The following SLIT1 variants were observed in gnomAD, a reference collection of about 807,000 sequenced individuals.
The protein encoded by SLIT1 is slit guidance ligand 1.
In SLIT1, 66 loss-of-function variants were observed where a neutral mutation model predicts 186.1. The observed-to-expected ratio is 0.35, with a 90% CI of 0.29 to 0.44. The LOEUF is 0.44. Ranked by LOEUF, SLIT1 falls within the 20% of genes least tolerant of loss-of-function variation. SLIT1 has a pLI of 1.00. For synonymous variants in SLIT1, 761 were observed against 833.8 expected, an observed-to-expected ratio of 0.91 and a Z score of 1.50; for missense variants, 1,638 against 2,037.4, an observed-to-expected ratio of 0.80 and a Z score of 3.77.
chr10:97,034,255 C>G (rs969846188), intron 23 of SLIT1, among the ~76,000 whole-genome samples: 2 of 152,182 alleles, frequency 1.3e-5, no homozygotes, highest in Admixed American at 1.3e-4. Context: ...GCACTATTTA[C>G]TTTTTGCATT....
intron 4 of SLIT1, among the ~76,000 whole-genome samples, chr10:97,147,165 T>C (rs1311916764): frequency 6.6e-6 from 1 of 152,140 alleles, no homozygotes; most frequent in Non-Finnish European, 1.5e-5. Flanking sequence ...TTAAGTGAAA[T>C]AAGCCAGTCA....
At chr10:97,129,698 C>T (rs2636773) in intron 4 of SLIT1, among the ~76,000 whole-genome samples, 11 of 151,934 alleles carry the variant, frequency 7.2e-5, no homozygotes, top group African/African-American at 2.7e-4. Context: ...CGGGCATCCT[C>T]GACTAGTACT....
intron 4 of SLIT1, among the ~76,000 whole-genome samples, chr10:97,152,493 C>G (rs1278979263): frequency 1.3e-5 from 2 of 152,170 alleles, no homozygotes; most frequent in Non-Finnish European, 2.9e-5. Context: ...ATGTCTGACA[C>G]AAGAGAGTGT....
At chr10:97,083,640 C>T (rs538286899) in intron 4 of SLIT1, among the ~76,000 whole-genome samples, 5 of 152,146 alleles carry the variant, frequency 3.3e-5, no homozygotes, top group South Asian at 2.1e-4. Flanking sequence ...TTTCCCTGAG[C>T]GGCCGTGCTG....
At chr10:97,095,055 G>C (rs560646436) in intron 4 of SLIT1, among the ~76,000 whole-genome samples, 6 of 152,328 alleles carry the variant, frequency 3.9e-5, no homozygotes, top group African/African-American at 1.4e-4. Flanking sequence ...GGCCGAGGCA[G>C]GTGGATCATC....
At chr10:97,145,358 C>T (rs1039576480) in intron 4 of SLIT1, among the ~76,000 whole-genome samples, 4 of 152,132 alleles carry the variant, frequency 2.6e-5, no homozygotes, top group African/African-American at 4.8e-5. Context: ...CCTCGCGACC[C>T]ACCCTCCTTA....
At chr10:97,153,609 G>A (rs1045091529) in intron 4 of SLIT1, 10 of 152,182 alleles carry the variant, frequency 6.6e-5, no homozygotes, top group South Asian at 2.1e-4. Flanking sequence ...CTGCACCAGC[G>A]GATCCCACAA....
intron 22 of SLIT1, among the ~76,000 whole-genome samples, chr10:97,034,881 C>G (rs1210140408): frequency 6.6e-6 from 1 of 152,200 alleles, no homozygotes; most frequent in African/African-American, 2.4e-5. Flanking sequence ...AGCACTCTCT[C>G]CTTTCTCTCC....
At chr10:97,172,217 T>G (rs1850199277) in intron 1 of SLIT1, among the ~76,000 whole-genome samples, 1 of 152,088 alleles carries the variant, frequency 6.6e-6, no homozygotes, top group Admixed American at 6.6e-5. Context: ...TAAATTTTTT[T>G]GCATTTTTAG....
At chr10:97,115,747 T>C (rs2134683194) in intron 4 of SLIT1, among the ~76,000 whole-genome samples, 1 of 152,346 alleles carries the variant, frequency 6.6e-6, no homozygotes, top group East Asian at 1.9e-4. Flanking sequence ...TCGCCACCTA[T>C]GAGCCACCCG....
At position 97,022,371 on chromosome 10, in the gene SLIT1, G is replaced by A. The variant is rs941725417; in HGVS notation, c.2583-958C>T. Reference sequence around the variant, plus strand: ...GCCACTTTCAAGCATTGCAGACAAAGCAAGTGTCTGCCCTGCACAACACTG... The same window carrying A: ...GCCACTTTCAAGCATTGCAGACAAAACAAGTGTCTGCCCTGCACAACACTG... On this transcript the variant is annotated intron_variant, in intron 25 of 36. Transcript: ENST00000266058. The surrounding 1 kb of genome is among the most constrained non-coding windows in gnomAD (Gnocchi z 4.2). 6.6e-6 allele frequency among the ~76,000 whole-genome samples: 1 copy of A among 152,180 alleles called. No individual in the cohort carries two copies. Among genetic ancestry groups the A allele is most frequent in the African/African-American group, 2.4e-5 (1 of 41,444 alleles).
chr10:97,170,731 A>G (rs1850177066), intron 1 of SLIT1, among the ~76,000 whole-genome samples: 1 of 152,242 alleles, frequency 6.6e-6, no homozygotes, highest in Admixed American at 6.5e-5. Context: ...GTGGCAAAAG[A>G]TTTTGGAGAA....
chr10:97,071,529 A>G (rs893704232), intron 4 of SLIT1, among the ~76,000 whole-genome samples: 3 of 152,194 alleles, frequency 2.0e-5, no homozygotes, highest in Admixed American at 2.0e-4. Context: ...TTGTTCTAGA[A>G]AGCCTTTAAG....
At chr10:97,169,620 C>T (rs2784916) in intron 1 of SLIT1, among the ~76,000 whole-genome samples, 70,815 of 151,986 alleles carry the variant, frequency 0.47, 17,628 homozygotes, top group East Asian at 0.58. Context: ...GTGGAGTAGG[C>T]CCACCTGGGC....
At chr10:97,069,358 C>T (rs1848981794) in intron 4 of SLIT1, among the ~76,000 whole-genome samples, 2 of 152,204 alleles carry the variant, frequency 1.3e-5, no homozygotes, top group African/African-American at 4.8e-5. Flanking sequence ...CATGGTCCAC[C>T]CTAGAGCACT....
intron 4 of SLIT1, among the ~76,000 whole-genome samples, chr10:97,133,062 C>A (rs1213846771): frequency 6.6e-6 from 1 of 152,210 alleles, no homozygotes; most frequent in East Asian, 1.9e-4. Context: ...TGGGAAGTTG[C>A]ATGCTCATGG....
intron 4 of SLIT1, among the ~76,000 whole-genome samples, chr10:97,085,099 A>G (rs1327872163): frequency 6.6e-6 from 1 of 150,952 alleles, no homozygotes; most frequent in Non-Finnish European, 1.5e-5. Flanking sequence ...AATTTTTTGT[A>G]TTTTTAGTAG....
At chr10:97,036,263 CCT>C (rs1449944764) in intron 22 of SLIT1, among the ~76,000 whole-genome samples, 1 of 152,170 alleles carries the variant, frequency 6.6e-6, no homozygotes, top group East Asian at 1.9e-4. Flanking sequence ...GTGGTCCTCC[CCT>C]GTGATGAGGA....
intron 4 of SLIT1, among the ~76,000 whole-genome samples, chr10:97,156,358 G>A (rs902319945): frequency 3.9e-5 from 6 of 152,102 alleles, no homozygotes; most frequent in Non-Finnish European, 7.4e-5. Flanking sequence ...CTGGTGGATC[G>A]CTTGAGCCTA....
Sources: gnomAD v4.1 joint callset for allele counts (sites outside exome capture counted in the v4.1 genomes callset) on GRCh38, gnomAD v4.1.1 for gene constraint, Gnocchi (gnomAD v3.1) non-coding constraint, MANE v1.5 for transcripts, NCBI Gene and HGNC (gene_info 2026-07-23, HGNC 2026-07-21) for gene names.